The following ADGRG7 variants were observed in gnomAD, a reference collection of about 807,000 sequenced individuals.
ADGRG7 encodes the protein G-protein coupled receptor 128.
Under a neutral mutation model 88.6 loss-of-function variants are expected in ADGRG7, and 82 were observed. That is an observed-to-expected ratio of 0.93 (90% CI 0.77 to 1.11). The LOEUF is 1.11. ADGRG7 is among the 50% of genes most tolerant of loss of function. The pLI is 0.00. For missense variants in ADGRG7, 945 were observed against 953.4 expected, an observed-to-expected ratio of 0.99 and a Z score of 0.12; for synonymous variants, 381 against 345.2, an observed-to-expected ratio of 1.10 and a Z score of -1.15.
intron 6 of ADGRG7, among the ~76,000 whole-genome samples, chr3:100,642,407 T>C (rs1443549038): frequency 6.6e-6 from 1 of 152,242 alleles, no homozygotes; most frequent in Non-Finnish European, 1.5e-5. Context: ...AAAGCAATCC[T>C]CAATTATTGT....
At chr3:100,651,978 G>A (rs945939937) in intron 11 of ADGRG7, among the ~76,000 whole-genome samples, 37 of 151,982 alleles carry the variant, frequency 2.4e-4, no homozygotes, top group Admixed American at 1.3e-4. Context: ...TTTAGTTTTC[G>A]ATGGGTTTGT....
At chr3:100,641,295 A>G (rs917273117) in intron 6 of ADGRG7, among the ~76,000 whole-genome samples, 1 of 151,646 alleles carries the variant, frequency 6.6e-6, no homozygotes, top group African/African-American at 2.4e-5. Context: ...ACGTCTTTCT[A>G]TATAAGGCTT....
At position 100,643,406 on chromosome 3, in the gene ADGRG7, G is replaced by T. The variant is rs1458408574; in HGVS notation, c.838+1G>T. The T allele has an allele frequency of 6.2e-7, 1 of 1,613,810 alleles. No homozygotes were observed. Among genetic ancestry groups the T allele is most frequent in the African/African-American group, 1.3e-5 (1 of 75,036 alleles). On this transcript the variant is annotated splice_donor_variant, in intron 7 of 15. Coordinates refer to ENST00000273352, the MANE Select transcript of ADGRG7 (RefSeq NM_032787.3). LOFTEE classifies it high-confidence loss of function. The stretch of plus-strand genomic sequence containing the variant: ...AATGTTCGCTTCTCTGTGCAGAAAG[G>T]TGAGCTGTTAATCTTATGTGCTTGT...
intron 14 of ADGRG7, among the ~76,000 whole-genome samples, chr3:100,663,455 C>G (rs766832811): frequency 2.0e-5 from 3 of 152,002 alleles, no homozygotes; most frequent in Non-Finnish European, 4.4e-5. Flanking sequence ...GGTTTTCTCT[C>G]TCTCTGGAAA....
At chr3:100,620,618 G>T (rs1035751615) in intron 1 of ADGRG7, among the ~76,000 whole-genome samples, 2 of 152,028 alleles carry the variant, frequency 1.3e-5, no homozygotes, top group Non-Finnish European at 2.9e-5. Flanking sequence ...TATTTTCAAG[G>T]TGTTGTCAAC....
At chr3:100,619,533 C>G (rs1039431672) in intron 1 of ADGRG7, among the ~76,000 whole-genome samples, 1 of 152,036 alleles carries the variant, frequency 6.6e-6, no homozygotes, top group Non-Finnish European at 1.5e-5. Context: ...CAAAAGCTAG[C>G]AGAAGGCGAG....
chr3:100,625,090 GA>G (rs1707364260), intron 1 of ADGRG7, among the ~76,000 whole-genome samples: 1 of 152,156 alleles, frequency 6.6e-6, no homozygotes, highest in Admixed American at 6.5e-5. Context: ...ATGGTAGTTT[GA>G]TGCGAATAGA....
intron 14 of ADGRG7, among the ~76,000 whole-genome samples, chr3:100,663,889 T>C (rs926378123): frequency 6.6e-6 from 1 of 152,046 alleles, no homozygotes; most frequent in Non-Finnish European, 1.5e-5. Flanking sequence ...AAGACTGGTT[T>C]AGTTAACTAT....
At chr3:100,637,558 CTTTAGTT>C (rs761028183) in intron 6 of ADGRG7, 156 bp downstream of exon 6, 21 of 602,070 alleles carry the variant, frequency 3.5e-5, no homozygotes, top group Non-Finnish European at 5.3e-5. Context: ...TCCACTTGAC[CTTTAGTT>C]ACTAGATGGA....
In ADGRG7 at chr3:100,655,057, C is replaced by T; in HGVS notation, c.1602C>T (p.His534=). The T allele has an allele frequency of 6.2e-7, 1 of 1,614,172 alleles. No homozygotes were observed. ...GCACTGCGATTGCCGCCTTACTGCA[C>T]TATTTTCTGTTAGTGACATTTACCT... ...PMCTAIAALL[H]YFLLVTFTWN... Residue 534 remains histidine (H), a synonymous_variant, in exon 12 of 16, where the codon CAC becomes CAT. Transcript: ENST00000273352.
At chr3:100,645,007 C>A (rs114257316) in intron 8 of ADGRG7, among the ~76,000 whole-genome samples, 1 of 152,218 alleles carries the variant, frequency 6.6e-6, no homozygotes, top group African/African-American at 2.4e-5. Context: ...CAGAGGAGGA[C>A]AATTTGGGGG....
chr3:100,692,671 G>GA (rs1559695626), intron 15 of ADGRG7, among the ~76,000 whole-genome samples: 1 of 152,192 alleles, frequency 6.6e-6, no homozygotes, highest in Non-Finnish European at 1.5e-5. Context: ...ATGATTATAG[G>GA]AAAATCACAT....
chr3:100,652,790 CA>C (rs1310181782), intron 11 of ADGRG7, among the ~76,000 whole-genome samples: 1 of 151,986 alleles, frequency 6.6e-6, no homozygotes, highest in Non-Finnish European at 1.5e-5. Flanking sequence ...CACACACACA[CA>C]CTCATACACA....
At chr3:100,629,484 C>A in intron 1 of ADGRG7, 114 bp from the exon 2 acceptor site, 1 of 646,516 alleles carries the variant, frequency 1.5e-6, no homozygotes, top group Non-Finnish European at 2.8e-6. Flanking sequence ...GAATATTTCT[C>A]AGCAATGATA....
At chr3:100,619,735 G>A (rs900929175) in intron 1 of ADGRG7, among the ~76,000 whole-genome samples, 7 of 152,088 alleles carry the variant, frequency 4.6e-5, no homozygotes, top group African/African-American at 1.7e-4. Flanking sequence ...TATCACCACC[G>A]ATCCCACAGA....
intron 15 of ADGRG7, among the ~76,000 whole-genome samples, chr3:100,687,275 G>T (rs2094984368): frequency 6.6e-6 from 1 of 152,094 alleles, no homozygotes; most frequent in Non-Finnish European, 1.5e-5. Flanking sequence ...GGAGATTTTG[G>T]GCTGAGATGA....
intron 1 of ADGRG7, among the ~76,000 whole-genome samples, chr3:100,618,861 C>T (rs1707265246): frequency 6.6e-6 from 1 of 152,252 alleles, no homozygotes; most frequent in South Asian, 2.1e-4. Context: ...ATGGAATGTT[C>T]TTCCATTTGT....
At position 100,690,193 on chromosome 3, in the gene ADGRG7, C is replaced by T. The variant is rs140354650; in HGVS notation, c.2137-4551C>T. Among the ~76,000 whole-genome samples, 1,082 of 152,324 alleles carry T rather than the reference C, an allele frequency of 7.1e-3. 16 individuals are homozygous for T. Among genetic ancestry groups the T allele is most frequent in the African/African-American group, 0.024 (1,017 of 41,570 alleles). On this transcript the variant is annotated intron_variant, in intron 15 of 15. Transcript: ENST00000273352. ...GCTACTGAGGCTTGTGCATTCATCA[C>T]GTAGTTCTCGTGCCGTGGTTTTCAG...
In ADGRG7 at chr3:100,654,992, A is replaced by G. The variant is rs1471917154; in HGVS notation, c.1537A>G (p.Ile513Val). The G allele has an allele frequency of 2.5e-6, 4 of 1,614,090 alleles. No homozygotes were observed. The highest frequency in any genetic ancestry group is 3.3e-5 in the Admixed American group (2 of 60,002). The change falls in exon 12 of 16, where the codon ATA becomes GTA. Residue 513 changes from isoleucine to valine, a missense_variant. By Grantham distance (29) the Ile-to-Val change is conservative. Transcript: ENST00000273352. ...INNIDFDNND[I>V]PRTDTINIPN... ...TAATATTGACTTTGACAATAATGACATACCCAGGACAGACACCATTAACAT... is the reference window on the plus strand; with the variant it reads ...TAATATTGACTTTGACAATAATGACGTACCCAGGACAGACACCATTAACAT...
Sources: gnomAD v4.1 joint callset for allele counts (sites outside exome capture counted in the v4.1 genomes callset) on GRCh38, gnomAD v4.1.1 for gene constraint, MANE v1.5 for transcripts, NCBI Gene and HGNC (gene_info 2026-07-23, HGNC 2026-07-21) for gene names.